RNF4: variants seen among roughly 807,000 people sequenced by gnomAD.
RNF4 encodes E3 ubiquitin-protein ligase RNF4.
A neutral mutation model predicts 24.3 loss-of-function variants in RNF4; 7 were observed. That is an observed-to-expected ratio of 0.29 (90% confidence interval 0.16 to 0.54). The LOEUF (loss-of-function observed/expected upper bound fraction) is 0.54. Among genes scored for constraint, RNF4 ranks in the 20% least tolerant of loss-of-function variants. The pLI, the probability that RNF4 is intolerant of heterozygous loss-of-function variation, is 0.95. For synonymous variants in RNF4, 83 were observed against 84.3 expected (o/e 0.98, Z 0.09); for missense variants, 209 against 248.5 (o/e 0.84, Z 1.07).
intron 3 of RNF4, 166 bp downstream of exon 3, chr4:2,497,287 A>T: frequency 1.9e-6 from 1 of 533,456 alleles, no homozygotes; most frequent in Non-Finnish European, 3.3e-6. Flanking sequence ...TAGCTTCTCA[A>T]CTGGGCTAAC....
intron 1 of RNF4, chr4:2,481,293 T>C (rs1735236631): frequency 6.6e-6 from 1 of 152,248 alleles, no homozygotes; most frequent in African/African-American, 2.4e-5. Flanking sequence ...TTGTTTTGTG[T>C]GTGTGTGTCA....
intron 1 of RNF4, chr4:2,479,935 G>T (rs896118395): frequency 1.2e-4 from 18 of 151,994 alleles, no homozygotes; most frequent in African/African-American, 4.1e-4. Context: ...GATAACTTTT[G>T]TTGGGGGTCG....
intron 1 of RNF4, among the ~76,000 whole-genome samples, chr4:2,478,413 T>C (rs1735146797): frequency 6.6e-6 from 1 of 152,230 alleles, no homozygotes; most frequent in Non-Finnish European, 1.5e-5. Context: ...CTCCAGGGCA[T>C]GTCACAGGCC....
rs533352172 is a variant in RNF4, at chr4:2,476,429, C to CT, written c.-158+7172dup. On this transcript the variant is annotated intron_variant, in intron 1 of 7. Transcript: ENST00000314289. ...TTGTTTTTTGAGACGGAGTCTTGCT[C>CT]TGTCACCCAGGCTGGAGTACAGTGG... 6.8e-4 allele frequency among the ~76,000 whole-genome samples: 103 copies of CT among 152,308 alleles called. 1 individual carries two copies. The highest frequency in any genetic ancestry group is 3.4e-3 in the Middle Eastern group (1 of 294).
chr4:2,472,984 G>C (rs1406297765), intron 1 of RNF4, among the ~76,000 whole-genome samples: 1 of 151,932 alleles, frequency 6.6e-6, no homozygotes, highest in Admixed American at 6.6e-5. Context: ...AGCTTGCAGT[G>C]AGCCAAGATA....
rs1736346866 is a variant in RNF4 at position 2,514,117 on chromosome 4, C to T, written c.*298C>T. ...TTCCAGTCTGGTTGCAGAATCTGCA[C>T]ATTTGCCAAGAAATTTTCCCTGTTT... is the stretch of plus-strand genomic sequence containing the variant. On this transcript the variant is annotated 3_prime_UTR_variant, in exon 8 of 8. Transcript: ENST00000314289. 2.9e-6 allele frequency: 1 copy of T among 346,694 alleles called. No individual in the cohort carries two copies. The highest frequency in any genetic ancestry group is 5.1e-5 in the South Asian group (1 of 19,736). 21.5% of individuals were successfully genotyped at this position (346,694 alleles called of 1,614,324 possible).
At chr4:2,495,427 T>C (rs1288309773) in intron 2 of RNF4, among the ~76,000 whole-genome samples, 3 of 152,186 alleles carry the variant, frequency 2.0e-5, no homozygotes, top group Non-Finnish European at 4.4e-5. Context: ...GCATCTTCCG[T>C]CTCTGCGCAG....
chr4:2,479,587 G>A (rs1039671939), intron 1 of RNF4, among the ~76,000 whole-genome samples: 3 of 152,140 alleles, frequency 2.0e-5, no homozygotes, highest in Non-Finnish European at 4.4e-5. Context: ...CGCCATCCAC[G>A]TAAGACGGGA....
At chr4:2,513,160 C>T in intron 7 of RNF4, 29 bp downstream of exon 7, 1 of 1,604,092 alleles carries the variant, frequency 6.2e-7, no homozygotes, top group South Asian at 1.1e-5. Flanking sequence ...ATCTTCCAGG[C>T]TTCTGGTTTC....
intron 4 of RNF4, among the ~76,000 whole-genome samples, chr4:2,501,185 G>C (rs1469249621): frequency 6.6e-6 from 1 of 152,212 alleles, no homozygotes; most frequent in African/African-American, 2.4e-5. Context: ...ATGTCAGCAG[G>C]GCATGGTGTA....
chr4:2,498,298 C>G (rs1735799798), intron 3 of RNF4, among the ~76,000 whole-genome samples: 1 of 152,152 alleles, frequency 6.6e-6, no homozygotes, highest in African/African-American at 2.4e-5. Context: ...AGTCTCCTGC[C>G]TCAGCTTCCC....
chr4:2,477,235 A>G lies in RNF4; in HGVS notation c.-158+7977A>G. Among the ~76,000 whole-genome samples the G allele has an allele frequency of 1.3e-5, 2 of 152,166 alleles. 1 individual carries two copies. The highest frequency in any genetic ancestry group is 6.3e-3 in the Middle Eastern group (2 of 316). On this transcript the variant is annotated intron_variant, in intron 1 of 7. Transcript: ENST00000314289. Reference sequence around the variant, plus strand: ...GAGGGACCCAGTGGGAGGCAATTGAATCTTGGGGGCAGGTCTTTCCCATGC... The same window carrying G: ...GAGGGACCCAGTGGGAGGCAATTGAGTCTTGGGGGCAGGTCTTTCCCATGC...
chr4:2,500,730 T>G lies in RNF4; in HGVS notation c.196T>G (p.Ser66Ala). 6.2e-7 allele frequency: 1 copy of G among 1,613,826 alleles called. No individual in the cohort carries two copies. Among genetic ancestry groups the G allele is most frequent in the South Asian group, 1.1e-5 (1 of 91,046 alleles). ...GGTGGTTGATCTGACTCACAATGAC[T>G]CTGTTGTGGTAAGTGTTGGAGTGTG... The part of the protein sequence containing the change: ...PVVVDLTHND[S>A]VVIVDERRRP... Residue 66 changes from serine (S) to alanine (A), a missense_variant, in exon 4 of 8, where the codon TCT (serine) becomes GCT (alanine). Coordinates refer to ENST00000314289, the MANE Select transcript of RNF4 (RefSeq NM_002938.5).
Position 2,513,846 on chromosome 4 carries a change from G to A in RNF4, c.*27G>A, listed in dbSNP as rs369358708. On this transcript the variant is annotated 3_prime_UTR_variant, in exon 8 of 8. Coordinates refer to ENST00000314289, the MANE Select transcript of RNF4 (RefSeq NM_002938.5). ...GTATTCAGAGCCCCCCAGGAGAGAC[G>A]GATGGACAGACAGACAGCCAGGTTC... is the stretch of plus-strand genomic sequence containing the variant. 38 of 1,612,924 alleles carry A rather than the reference G, an allele frequency of 2.4e-5. No homozygotes were observed. Among genetic ancestry groups the A allele is most frequent in the Non-Finnish European group, 3.2e-5 (38 of 1,179,320 alleles).
intron 3 of RNF4, among the ~76,000 whole-genome samples, chr4:2,497,526 T>C (rs1013731063): frequency 6.6e-6 from 1 of 152,320 alleles, no homozygotes; most frequent in East Asian, 1.9e-4. Context: ...AGAGGCCAGA[T>C]TGGATTTCCC....
Position 2,513,145 on chromosome 4 carries a change from G to C in RNF4, c.423+14G>C. The C allele has an allele frequency of 6.2e-7, 1 of 1,612,230 alleles. No individual in the cohort carries two copies. On this transcript the variant is annotated intron_variant, in intron 7 of 7. Transcript: ENST00000314289. ...GGATACTCAGAGGTAAGTAAACCAA[G>C]CTGTATCTTCCAGGCTTCTGGTTTC...
intron 2 of RNF4, among the ~76,000 whole-genome samples, chr4:2,492,780 C>T (rs547638032): frequency 7.9e-5 from 12 of 152,336 alleles, no homozygotes; most frequent in African/African-American, 2.6e-4. Context: ...CTTCTTTGAC[C>T]TCCCACCTTG....
At chr4:2,501,765 T>C (rs955795002) in intron 4 of RNF4, among the ~76,000 whole-genome samples, 1 of 152,146 alleles carries the variant, frequency 6.6e-6, no homozygotes, top group Non-Finnish European at 1.5e-5. Context: ...AGCTGAGTCT[T>C]CGCCTTGGCC....
intron 1 of RNF4, among the ~76,000 whole-genome samples, chr4:2,484,067 T>TCCCCCCCCCCCCCCCCCCCCCCCCC (rs56727538): frequency 7.5e-5 from 1 of 13,248 alleles, no homozygotes. Context: ...CCTCAGGTGA[T>TCCCCCCCCCCCCCCCCCCCCCCCCC]CCCCCCCCGC....
Sources: gnomAD v4.1 joint callset for allele counts (sites outside exome capture counted in the v4.1 genomes callset) on GRCh38, gnomAD v4.1.1 for gene constraint, MANE v1.5 for transcripts, NCBI Gene and HGNC (gene_info 2026-07-23, HGNC 2026-07-21) for gene names.